Variants in ANO3 observed in about 807,000 individuals in gnomAD.
ANO3 encodes anoctamin 3.
Under a neutral mutation model 144.8 loss-of-function variants are expected in ANO3, and 99 were observed. The observed-to-expected ratio is 0.68, with a 90% CI of 0.58 to 0.81. The LOEUF (loss-of-function observed/expected upper bound fraction) is 0.81, where lower values mean the gene tolerates loss of function less well. Ranked by LOEUF, ANO3 falls within the 30% of genes least tolerant of loss-of-function variation. ANO3 has a pLI of 0.00. For synonymous variants in ANO3, 414 were observed against 392.6 expected, an observed-to-expected ratio of 1.05 and a Z score of -0.64; for missense variants, 905 against 1,202.2, an observed-to-expected ratio of 0.75 and a Z score of 3.66.
At chr11:26,502,444 A>G (rs1180285971) in intron 4 of ANO3, among the ~76,000 whole-genome samples, 1 of 152,164 alleles carries the variant, frequency 6.6e-6, no homozygotes, top group Admixed American at 6.5e-5. Flanking sequence ...ATGTCTGAAT[A>G]CAGTTCTCAA....
chr11:26,451,902 A>G (rs1036029919), intron 3 of ANO3, among the ~76,000 whole-genome samples: 17 of 151,964 alleles, frequency 1.1e-4, no homozygotes, highest in East Asian at 5.8e-4. Context: ...CCAGAGGAAC[A>G]ATCAGACAGC....
chr11:26,270,438 A>G (rs1370352201), intron 1 of ANO3, among the ~76,000 whole-genome samples: 1 of 152,196 alleles, frequency 6.6e-6, no homozygotes, highest in Non-Finnish European at 1.5e-5. Flanking sequence ...TTCTCCTGGA[A>G]TCTATGATAC....
rs17309048 is a variant in ANO3, at chr11:26,462,754, G to A, written c.314-276G>A. Reference sequence around the variant, plus strand: ...GTTCCAATTTTATTTTCAAAAATTTGAAGTACATTGAATAGCATAGATGAA... The same window carrying A: ...GTTCCAATTTTATTTTCAAAAATTTAAAGTACATTGAATAGCATAGATGAA... On this transcript the variant is annotated intron_variant, in intron 3 of 26. Coordinates refer to ENST00000256737, the MANE Select transcript of ANO3 (RefSeq NM_031418.4). 9.3e-3 allele frequency among the ~76,000 whole-genome samples: 1,418 copies of A among 151,854 alleles called. 12 individuals are homozygous for A. The highest frequency in any genetic ancestry group is 0.031 in the Middle Eastern group (9 of 294).
At chr11:26,527,875 A>G (rs1475320980) in intron 7 of ANO3, among the ~76,000 whole-genome samples, 1 of 99,056 alleles carries the variant, frequency 1.0e-5, no homozygotes. Context: ...AAAACAAAAA[A>G]GACTCCCTTA....
chr11:26,438,269 G>A (rs984499746), intron 1 of ANO3, among the ~76,000 whole-genome samples: 2 of 152,052 alleles, frequency 1.3e-5, no homozygotes, highest in Non-Finnish European at 2.9e-5. Flanking sequence ...CTGACCAAAA[G>A]CATGAACTAT....
chr11:26,534,048 A>G (rs769428045), intron 8 of ANO3, among the ~76,000 whole-genome samples: 80 of 152,196 alleles, frequency 5.3e-4, no homozygotes, highest in Non-Finnish European at 1.0e-3. Context: ...TAGAGCATCA[A>G]GGGAAAGGTA....
At chr11:26,638,262 G>A (rs1853030696) in intron 20 of ANO3, among the ~76,000 whole-genome samples, 1 of 152,184 alleles carries the variant, frequency 6.6e-6, no homozygotes, top group South Asian at 2.1e-4. Flanking sequence ...AAAAAAAATT[G>A]GAAAACACTA....
rs369843275 is a variant in ANO3 at position 26,595,674 on chromosome 11, G to T, written c.1448-2691G>T. Among the ~76,000 whole-genome samples, 13 of 152,026 alleles carry T rather than the reference G, an allele frequency of 8.6e-5. No homozygotes were observed. In the South Asian group the frequency reaches 2.7e-3, roughly 32 times the overall value. On this transcript the variant is annotated intron_variant, in intron 14 of 26. Coordinates refer to ENST00000256737, the MANE Select transcript of ANO3 (RefSeq NM_031418.4). ...GTCGTCCTGAAGGGAGTTCCTCCTA[G>T]GTCTGATCGGACTTTGTATGGTAAT...
chr11:26,583,271 A>T (rs1286021951), intron 14 of ANO3, among the ~76,000 whole-genome samples: 1 of 152,240 alleles, frequency 6.6e-6, no homozygotes, highest in Non-Finnish European at 1.5e-5. Context: ...AAAGATGTCA[A>T]GTCTGATTTC....
At chr11:26,599,099 C>G in intron 16 of ANO3, 101 bp downstream of exon 16, 3 of 1,245,200 alleles carry the variant, frequency 2.4e-6, no homozygotes, top group Non-Finnish European at 3.4e-6. Flanking sequence ...TGTCAGAAAC[C>G]TTATTCTTTC....
intron 14 of ANO3, chr11:26,562,987 A>G: frequency 7.6e-7 from 1 of 1,314,806 alleles, no homozygotes; most frequent in Non-Finnish European, 1.0e-6. Flanking sequence ...GGTGGATCAG[A>G]ATAAGTCTTT....
At chr11:26,383,090 T>C (rs906507373) in intron 1 of ANO3, among the ~76,000 whole-genome samples, 13 of 152,188 alleles carry the variant, frequency 8.5e-5, no homozygotes, top group Non-Finnish European at 1.3e-4. Flanking sequence ...TATCCATGTT[T>C]TTCATAGTGT....
At chr11:26,247,930 A>C (rs1385999213) in intron 1 of ANO3, among the ~76,000 whole-genome samples, 1 of 151,024 alleles carries the variant, frequency 6.6e-6, no homozygotes, top group African/African-American at 2.4e-5. Context: ...CGGGGGTTTC[A>C]CCATGTTGGA....
intron 1 of ANO3, among the ~76,000 whole-genome samples, chr11:26,321,082 A>G (rs1854748569): frequency 6.6e-6 from 1 of 152,066 alleles, no homozygotes; most frequent in Non-Finnish European, 1.5e-5. Context: ...CTCCTTGGAC[A>G]ATGTACTGTT....
intron 1 of ANO3, among the ~76,000 whole-genome samples, chr11:26,394,348 T>C (rs917642309): frequency 2.0e-5 from 3 of 152,056 alleles, no homozygotes; most frequent in African/African-American, 2.4e-5. Flanking sequence ...TAGTTATTAA[T>C]ATGTAGTTAT....
At chr11:26,338,887 C>T (rs1855272100) in intron 1 of ANO3, among the ~76,000 whole-genome samples, 1 of 152,146 alleles carries the variant, frequency 6.6e-6, no homozygotes, top group African/African-American at 2.4e-5. Flanking sequence ...ACACTCACCG[C>T]GAGGGTCCGC....
At chr11:26,502,037 A>T (rs2134125687) in intron 4 of ANO3, among the ~76,000 whole-genome samples, 1 of 152,316 alleles carries the variant, frequency 6.6e-6, no homozygotes, top group African/African-American at 2.4e-5. Flanking sequence ...ATATTTCAAA[A>T]TTATACGTAA....
intron 12 of ANO3, among the ~76,000 whole-genome samples, chr11:26,547,862 T>G (rs1355030108): frequency 6.6e-6 from 1 of 151,992 alleles, no homozygotes; most frequent in East Asian, 1.9e-4. Flanking sequence ...ATAGCATTTG[T>G]TAGTCTAGAA....
At chr11:26,594,664 G>C (rs939230008) in intron 14 of ANO3, among the ~76,000 whole-genome samples, 2 of 152,032 alleles carry the variant, frequency 1.3e-5, no homozygotes, top group African/African-American at 4.8e-5. Context: ...GGACTGTTTG[G>C]GTTGAAGGGG....
Sources: allele counts gnomAD v4.1 joint callset (sites outside exome capture counted in the v4.1 genomes callset), GRCh38; gene constraint gnomAD v4.1.1; transcripts MANE v1.5; gene names NCBI Gene and HGNC (gene_info 2026-07-23, HGNC 2026-07-21).